Variants in RAP1GAP2 observed in about 807,000 individuals in gnomAD.
The protein encoded by RAP1GAP2 is rap1 GTPase-activating protein 2.
Under a neutral mutation model 95.0 loss-of-function variants are expected in RAP1GAP2, and 27 were observed. The ratio of observed to expected loss-of-function variants is 0.28; its 90% confidence interval spans 0.21 to 0.39. The LOEUF (loss-of-function observed/expected upper bound fraction) is 0.39, where lower values mean the gene tolerates loss of function less well. RAP1GAP2 is among the 10% of genes least tolerant of loss of function. RAP1GAP2 has a pLI of 1.00. For synonymous variants in RAP1GAP2, 373 were observed against 380.9 expected, an observed-to-expected ratio of 0.98 and a Z score of 0.24; for missense variants, 771 against 970.0, an observed-to-expected ratio of 0.79 and a Z score of 2.72.
chr17:2,941,668 GTT>G (rs59002572), intron 3 of RAP1GAP2, among the ~76,000 whole-genome samples: 5 of 135,934 alleles, frequency 3.7e-5, no homozygotes, highest in Non-Finnish European at 3.1e-5. Context: ...TGACTCTTGG[GTT>G]TTTTTTTTTT....
chr17:2,920,961 G>A (rs1166530537), intron 3 of RAP1GAP2, among the ~76,000 whole-genome samples: 1 of 152,170 alleles, frequency 6.6e-6, no homozygotes, highest in Non-Finnish European at 1.5e-5. Context: ...TGGATGGTGG[G>A]TTCTGTGTTG....
rs1333800397 is a variant in RAP1GAP2, at chr17:2,891,812, TTC to T, written c.81-13470_81-13469del. Among the ~76,000 whole-genome samples the T allele has an allele frequency of 9.9e-3, 1,325 of 133,480 alleles. 53 individuals carry two copies. Among genetic ancestry groups the T allele is most frequent in the Non-Finnish European group, 0.016 (958 of 61,030 alleles). 87.6% of individuals were successfully genotyped at this position (133,480 alleles called of 152,430 possible). ...GATGATATGCAGATTCATATTTCTT[TTC>T]TTTTTTTTTTTTTTTTTTTTTTTTT... On this transcript the variant is annotated intron_variant, in intron 2 of 24. Transcript: ENST00000254695.
intron 1 of RAP1GAP2, among the ~76,000 whole-genome samples, chr17:2,784,272 C>CAG: frequency 6.7e-6 from 1 of 149,170 alleles, no homozygotes; most frequent in East Asian, 2.0e-4. Context: ...CACGCCTGGC[C>CAG]TATTTTTATT....
chr17:2,898,324 AGGAACAGGT>A (rs1257643810), intron 2 of RAP1GAP2, among the ~76,000 whole-genome samples: 1 of 152,146 alleles, frequency 6.6e-6, no homozygotes, highest in Non-Finnish European at 1.5e-5. Flanking sequence ...CCTGCCAGGT[AGGAACAGGT>A]GCGCAACACC....
At chr17:2,944,585 C>A (rs73976730) in intron 3 of RAP1GAP2, among the ~76,000 whole-genome samples, 1 of 152,176 alleles carries the variant, frequency 6.6e-6, no homozygotes, top group Non-Finnish European at 1.5e-5. Flanking sequence ...CACCTTTGAC[C>A]TTCCTCTTTA....
At chr17:2,790,653 T>G (rs1177893571) in intron 1 of RAP1GAP2, among the ~76,000 whole-genome samples, 1 of 152,204 alleles carries the variant, frequency 6.6e-6, no homozygotes, top group Non-Finnish European at 1.5e-5. Flanking sequence ...CCTGCTTCAC[T>G]CGGGACATCT....
chr17:3,002,213 G>A (rs962381717), intron 14 of RAP1GAP2, among the ~76,000 whole-genome samples: 9 of 152,112 alleles, frequency 5.9e-5, no homozygotes, highest in Non-Finnish European at 2.9e-5. Context: ...CACTGGCCTC[G>A]GCCTCCCAAA....
chr17:2,905,219 A>C, intron 2 of RAP1GAP2, 65 bp from the exon 3 acceptor site: 3 of 1,451,700 alleles, frequency 2.1e-6, no homozygotes, highest in Non-Finnish European at 2.9e-6. Context: ...GAGCCCAGTC[A>C]CTCTTGGAGG....
In RAP1GAP2 at chr17:2,995,360, C is replaced by T; in HGVS notation, c.938C>T (p.Thr313Ile). ...AGTTTCCGAGGAGGCCTGGACGTGA[C>T]CCACGGACAGACAGGGGTGGAATCA... ...FKGFRGGLDV[T>I]HGQTGVESVY... The change falls in exon 13 of 25, where the codon ACC (threonine) becomes ATC (isoleucine). Residue 313 changes from threonine to isoleucine, a missense_variant. Transcript: ENST00000254695. 2 of 1,613,760 alleles carry T rather than the reference C, an allele frequency of 1.2e-6. No individual in the cohort carries two copies. Among genetic ancestry groups the T allele is most frequent in the Non-Finnish European group, 1.7e-6 (2 of 1,179,674 alleles).
chr17:2,837,886 G>A (rs140881772), intron 2 of RAP1GAP2, among the ~76,000 whole-genome samples: 2 of 151,834 alleles, frequency 1.3e-5, no homozygotes, highest in African/African-American at 4.8e-5. Flanking sequence ...GATTACAGGG[G>A]TGAGCCACCG....
At chr17:2,900,223 G>A (rs1381570396) in intron 2 of RAP1GAP2, among the ~76,000 whole-genome samples, 1 of 152,142 alleles carries the variant, frequency 6.6e-6, no homozygotes, top group Non-Finnish European at 1.5e-5. Context: ...ATTAACCAAC[G>A]GTTATGATCC....
At chr17:2,887,680 G>GT (rs34743914) in intron 2 of RAP1GAP2, among the ~76,000 whole-genome samples, 37,608 of 138,250 alleles carry the variant, frequency 0.27, 5,071 homozygotes, top group East Asian at 0.44. Context: ...TGGTTTTTTT[G>GT]TTTTTTTTTT....
chr17:2,763,787 T>C (rs191935171), intron 1 of RAP1GAP2, among the ~76,000 whole-genome samples: 2,625 of 24,526 alleles, frequency 0.11, 83 homozygotes, highest in African/African-American at 0.26. Flanking sequence ...GAGGGGAGGC[T>C]GGGTGGGGCC....
chr17:2,918,520 T>C (rs1006820338), intron 3 of RAP1GAP2, among the ~76,000 whole-genome samples: 1 of 151,382 alleles, frequency 6.6e-6, no homozygotes, highest in Admixed American at 6.6e-5. Flanking sequence ...TCTGCTTGGC[T>C]GTTGGGGTGG....
At chr17:2,961,332 T>C (rs533291377) in intron 4 of RAP1GAP2, among the ~76,000 whole-genome samples, 5 of 152,048 alleles carry the variant, frequency 3.3e-5, no homozygotes, top group Admixed American at 6.5e-5. Flanking sequence ...CTGGCCAACA[T>C]GGTGAAACCT....
rs2042057761 is a variant in RAP1GAP2, at chr17:2,902,485, G to A, written c.81-2799G>A. Among the ~76,000 whole-genome samples, 1 of 152,170 alleles carries A rather than the reference G, an allele frequency of 6.6e-6. No homozygotes were observed. The highest frequency in any genetic ancestry group is 2.4e-5 in the African/African-American group (1 of 41,440). On this transcript the variant is annotated intron_variant, in intron 2 of 24. Transcript: ENST00000254695. The surrounding 1 kb of genome is among the most constrained non-coding windows in gnomAD (Gnocchi z 4.1). ...ACCCCCGTCTCAGCCTCCCAAAATG[G>A]TGGGATTACAGGCATGAGCCACCGC...
chr17:2,794,932 C>T (rs1188517142), upstream of RAP1GAP2, among the ~76,000 whole-genome samples: 1 of 115,790 alleles, frequency 8.6e-6, no homozygotes, highest in Non-Finnish European at 1.6e-5. Context: ...GGCTGGAGTA[C>T]AACAGCATGA....
chr17:2,897,631 A>G (rs1366512530), intron 2 of RAP1GAP2, among the ~76,000 whole-genome samples: 2 of 151,932 alleles, frequency 1.3e-5, no homozygotes, highest in Non-Finnish European at 2.9e-5. Flanking sequence ...AGGTGCTGGG[A>G]TGACAGGCGT....
chr17:2,878,700 C>A (rs1304759807), intron 2 of RAP1GAP2, among the ~76,000 whole-genome samples: 1 of 152,202 alleles, frequency 6.6e-6, no homozygotes, highest in Non-Finnish European at 1.5e-5. Flanking sequence ...ATGAGGGAAG[C>A]CAGCCAACCC....
Sources: allele counts gnomAD v4.1 joint callset (sites outside exome capture counted in the v4.1 genomes callset), GRCh38; gene constraint gnomAD v4.1.1; non-coding constraint Gnocchi (gnomAD v3.1); transcripts MANE v1.5; gene names NCBI Gene and HGNC (gene_info 2026-07-23, HGNC 2026-07-21).